OLAH: variants seen among roughly 807,000 people sequenced by gnomAD.
The protein encoded by OLAH is oleoyl-ACP hydrolase.
OLAH carries 33 observed loss-of-function variants against 27.8 expected under a neutral mutation model. That is an observed-to-expected ratio of 1.19 (90% CI 0.90 to 1.59). The LOEUF is 1.59. OLAH is among the 40% of genes most tolerant of loss of function. The probability of loss-of-function intolerance (pLI) is 0.00; values close to 1 mark genes in which losing one functional copy is unlikely to be tolerated. For synonymous variants in OLAH, 120 were observed against 102.9 expected (o/e 1.17, Z -1.01); for missense variants, 359 against 310.8 (o/e 1.16, Z -1.17).
upstream of OLAH, among the ~76,000 whole-genome samples, chr10:15,040,574 C>T (rs1366487032): frequency 6.6e-6 from 1 of 152,156 alleles, no homozygotes; most frequent in Non-Finnish European, 1.5e-5. Flanking sequence ...AGCATCACCC[C>T]TTCCTTCCTT....
At chr10:15,039,944 A>G (rs1054028395), upstream of OLAH, among the ~76,000 whole-genome samples, 20 of 151,998 alleles carry the variant, frequency 1.3e-4, no homozygotes, top group African/African-American at 4.6e-4. Context: ...TTGCTTCTGA[A>G]CCCCTGAACC....
chr10:15,036,904 C>T lies in OLAH; in HGVS notation c.-164+4554C>T, dbSNP rs151324142. Among the ~76,000 whole-genome samples, 1,164 of 152,124 alleles carry T rather than the reference C, an allele frequency of 7.7e-3. 18 individuals carry two copies. Among genetic ancestry groups the T allele is most frequent in the African/African-American group, 0.027 (1,112 of 41,484 alleles). On this transcript the variant is annotated intron_variant, in intron 1 of 3. Transcript: ENST00000413672. ...GAGCAGCCTGACCAACATGGTGAAA[C>T]CTCGTCTCTACTAAAAATACGAAAA... is the stretch of plus-strand genomic sequence containing the variant.
chr10:15,054,690 G>A (rs1844213228), intron 3 of OLAH, among the ~76,000 whole-genome samples: 1 of 151,914 alleles, frequency 6.6e-6, no homozygotes, highest in Admixed American at 6.6e-5. Flanking sequence ...TTGTTTCCTA[G>A]CTCTTTTGCT....
Position 15,064,403 on chromosome 10 carries a change from T to C in OLAH, c.303T>C (p.Ser101=). 1.3e-6 allele frequency: 2 copies of C among 1,571,282 alleles called. No homozygotes were observed. Among genetic ancestry groups the C allele is most frequent in the Non-Finnish European group, 1.7e-6 (2 of 1,151,176 alleles). ...TCATGTTTTTCTTTGCTGAATTTAG[T>C]ATGGGATCCTACATTGCTTTTAGGA... ...QDKPFAFFGH[S]MGSYIAFRTA... Residue 101 remains serine (S), a splice_region_variant and synonymous_variant, in exon 5 of 8, where the codon AGT becomes AGC. Coordinates refer to ENST00000378228, the MANE Select transcript of OLAH (RefSeq NM_001039702.3).
At chr10:15,056,579 A>C (rs1844249514) in intron 3 of OLAH, among the ~76,000 whole-genome samples, 1 of 151,940 alleles carries the variant, frequency 6.6e-6, no homozygotes, top group African/African-American at 2.4e-5. Flanking sequence ...TTTCTCACTG[A>C]CATGTAGAAA....
chr10:15,073,135 G>T lies in OLAH; in HGVS notation c.704G>T (p.Gly235Val). 1 of 1,613,118 alleles carries T rather than the reference G, an allele frequency of 6.2e-7. No homozygotes were observed. The highest frequency in any genetic ancestry group is 2.2e-5 in the East Asian group (1 of 44,862). Residue 235 changes from glycine (G) to valine (V), a missense_variant, in exon 8 of 8, where the codon GGG becomes GTG. By Grantham distance (109) the Gly-to-Val change is moderately radical (BLOSUM62 -3). Transcript: ENST00000378228. The part of the protein sequence containing the change: ...SGNAKIYQLP[G>V]GHFYLLDPAN... ...AATGCTAAAATTTACCAGCTTCCAG[G>T]GGGTCACTTTTATCTTCTGGATCCT...
At chr10:15,049,401 A>G (rs1564527979) in intron 2 of OLAH, among the ~76,000 whole-genome samples, 1 of 152,102 alleles carries the variant, frequency 6.6e-6, no homozygotes, top group Non-Finnish European at 1.5e-5. Flanking sequence ...CCAAATTGCT[A>G]GGATTACAGG....
rs573335519 is a variant in OLAH, at chr10:15,033,055, A to T, written c.-164+705A>T. Among the ~76,000 whole-genome samples the T allele has an allele frequency of 1.4e-3, 192 of 134,466 alleles. 2 individuals carry two copies. Among genetic ancestry groups the T allele is most frequent in the Middle Eastern group, 0.011 (3 of 268 alleles). The allele number at this position is 134,466 out of a possible 152,430, so 88.2% of individuals were successfully genotyped here. A position where few individuals can be genotyped will look rare whatever the true frequency, so the allele number is the denominator to read the frequency against. ...AGTGGGCTAATTTTTTTTTTTTTTT[A>T]AAGTAGAGATGGGGTTTCACCATGT... is the stretch of plus-strand genomic sequence containing the variant. On this transcript the variant is annotated intron_variant, in intron 1 of 3. Transcript: ENST00000413672.
intron 3 of OLAH, among the ~76,000 whole-genome samples, chr10:15,050,819 G>C (rs1379359027): frequency 6.6e-6 from 1 of 151,982 alleles, no homozygotes; most frequent in Non-Finnish European, 1.5e-5. Context: ...CGGATTACAG[G>C]CGTGAGCCAC....
intron 3 of OLAH, 70 bp downstream of exon 3, chr10:15,049,835 G>A: frequency 6.9e-7 from 1 of 1,459,672 alleles, no homozygotes; most frequent in Non-Finnish European, 9.3e-7. Flanking sequence ...AGAATTTGAA[G>A]TTTGGTCAAG....
intron 1 of OLAH, 75 bp from the exon 2 acceptor site, chr10:15,047,051 G>C: frequency 2.2e-6 from 1 of 453,156 alleles, no homozygotes; most frequent in East Asian, 3.4e-5. Flanking sequence ...CTTCTCCTTT[G>C]TCATCACCAC....
At chr10:15,048,287 G>C (rs1342219938) in intron 2 of OLAH, among the ~76,000 whole-genome samples, 2 of 151,970 alleles carry the variant, frequency 1.3e-5, no homozygotes, top group Non-Finnish European at 2.9e-5. Flanking sequence ...GTGCGATCTC[G>C]GCTCACTGCA....
At chr10:15,046,937 G>C (rs574414202) in intron 1 of OLAH, among the ~76,000 whole-genome samples, 189 bp from the exon 2 acceptor site, 2 of 152,286 alleles carry the variant, frequency 1.3e-5, no homozygotes, top group East Asian at 3.9e-4. Flanking sequence ...GAGCAGTCCT[G>C]TTAATGGAAG....
At chr10:15,044,059 G>A (rs1367694581) in intron 1 of OLAH, 73 bp downstream of exon 1, 2 of 152,090 alleles carry the variant, frequency 1.3e-5, no homozygotes, top group Non-Finnish European at 2.9e-5. Context: ...CATATGCACA[G>A]CCTATAGTTG....
intron 1 of OLAH, among the ~76,000 whole-genome samples, chr10:15,045,759 G>C (rs551705717): frequency 1.1e-4 from 17 of 152,090 alleles, no homozygotes; most frequent in Non-Finnish European, 2.1e-4. Flanking sequence ...TGGGATCCAA[G>C]GAGCTCCTAG....
chr10:15,034,102 A>ATTTTTTTTTTTCTTTTTTT (rs1843801465), intron 1 of OLAH, among the ~76,000 whole-genome samples: 1 of 60,752 alleles, frequency 1.6e-5, no homozygotes, highest in African/African-American at 4.5e-5. Context: ...AGACTCCACC[A>ATTTTTTTTTTTCTTTTTTT]TTTTTTTTTT....
At chr10:15,062,582 T>C (rs1199958109) in intron 4 of OLAH, among the ~76,000 whole-genome samples, 1 of 150,562 alleles carries the variant, frequency 6.6e-6, no homozygotes, top group Non-Finnish European at 1.5e-5. Flanking sequence ...AATATTTATA[T>C]TATAGTAATA....
intron 3 of OLAH, among the ~76,000 whole-genome samples, chr10:15,053,676 G>A (rs1844188895): frequency 1.3e-5 from 2 of 151,786 alleles, no homozygotes; most frequent in African/African-American, 4.8e-5. Context: ...TCTTCCAAGT[G>A]TACTTCACAC....
At chr10:15,055,930 A>G (rs1457376419) in intron 3 of OLAH, among the ~76,000 whole-genome samples, 1 of 151,672 alleles carries the variant, frequency 6.6e-6, no homozygotes, top group African/African-American at 2.4e-5. Flanking sequence ...GCTCACTGAA[A>G]TCTCCACCTC....
Sources: allele counts gnomAD v4.1 joint callset (sites outside exome capture counted in the v4.1 genomes callset), GRCh38; gene constraint gnomAD v4.1.1; transcripts MANE v1.5; gene names NCBI Gene and HGNC (gene_info 2026-07-23, HGNC 2026-07-21).